PDE4D: variants seen among roughly 807,000 people sequenced by gnomAD.
The protein encoded by PDE4D is phosphodiesterase 4D.
A neutral mutation model predicts 87.4 loss-of-function variants in PDE4D; 24 were observed. That is an observed-to-expected ratio of 0.27 (90% CI 0.20 to 0.39). The LOEUF (loss-of-function observed/expected upper bound fraction) is 0.39. Ranked by LOEUF, PDE4D falls within the 10% of genes least tolerant of loss-of-function variation. The pLI is 1.00. For missense variants in PDE4D, 714 were observed against 1,041.0 expected (o/e 0.69, Z 4.32); for synonymous variants, 384 against 383.2 (o/e 1.00, Z -0.02).
At chr5:60,402,940 AC>A (rs1741214886) in intron 1 of PDE4D, among the ~76,000 whole-genome samples, 1 of 152,096 alleles carries the variant, frequency 6.6e-6, no homozygotes, top group Non-Finnish European at 1.5e-5. Flanking sequence ...AAGCCATCCA[AC>A]CCAGGCATTG....
At chr5:60,233,499 A>T (rs989909945) in intron 1 of PDE4D, among the ~76,000 whole-genome samples, 5 of 151,764 alleles carry the variant, frequency 3.3e-5, no homozygotes, top group African/African-American at 1.2e-4. Flanking sequence ...AGAAGTGCCA[A>T]CTGTTCCTTT....
intron 1 of PDE4D, among the ~76,000 whole-genome samples, chr5:59,337,652 A>G (rs1777945656): frequency 6.6e-6 from 1 of 152,164 alleles, no homozygotes; most frequent in Non-Finnish European, 1.5e-5. Flanking sequence ...ATATACAGCT[A>G]CCAAGTGGCA....
At chr5:59,802,228 G>GTTTT (rs1408478741) in intron 1 of PDE4D, among the ~76,000 whole-genome samples, 1 of 133,844 alleles carries the variant, frequency 7.5e-6, no homozygotes, top group South Asian at 2.3e-4. Flanking sequence ...GTTTTGTTTT[G>GTTTT]TTTTTGTTTT....
intron 1 of PDE4D, among the ~76,000 whole-genome samples, chr5:60,366,836 A>C (rs1182955467): frequency 6.6e-6 from 1 of 152,268 alleles, no homozygotes; most frequent in Non-Finnish European, 1.5e-5. Flanking sequence ...AAATTCAACC[A>C]GGAGATTTAC....
chr5:59,386,473 C>T (rs1376425811), intron 1 of PDE4D, among the ~76,000 whole-genome samples: 3 of 151,948 alleles, frequency 2.0e-5, no homozygotes, highest in African/African-American at 7.3e-5. Flanking sequence ...AGTAATTAGA[C>T]CATTCCCCTG....
At chr5:59,315,268 A>T (rs1460471771) in intron 1 of PDE4D, among the ~76,000 whole-genome samples, 1 of 152,070 alleles carries the variant, frequency 6.6e-6, no homozygotes, top group Non-Finnish European at 1.5e-5. Flanking sequence ...CCCTACCCAA[A>T]TGTGAAGAAA....
intron 1 of PDE4D, among the ~76,000 whole-genome samples, chr5:59,563,612 C>T (rs1336332600): frequency 6.6e-6 from 1 of 152,176 alleles, no homozygotes; most frequent in Non-Finnish European, 1.5e-5. Flanking sequence ...GGTAAGTATT[C>T]ATATTTGCCT....
At chr5:60,227,622 AGGAG>A (rs1006737650) in intron 1 of PDE4D, among the ~76,000 whole-genome samples, 31 of 84,830 alleles carry the variant, frequency 3.7e-4, no homozygotes, top group East Asian at 3.3e-3. Context: ...AGGAAAGGGA[AGGAG>A]GGAGGGAGGG....
intron 1 of PDE4D, among the ~76,000 whole-genome samples, chr5:59,686,045 C>A (rs2150381239): frequency 6.6e-6 from 1 of 152,246 alleles, no homozygotes; most frequent in South Asian, 2.1e-4. Flanking sequence ...TTCCCCTCAC[C>A]ATTGCCAAGA....
In PDE4D at chr5:58,972,542, T is replaced by C. The variant is rs1742797647; in HGVS notation, c.*2122A>G. 6.6e-6 allele frequency: 1 copy of C among 152,232 alleles called. No homozygotes were observed. The highest frequency in any genetic ancestry group is 2.4e-5 in the African/African-American group (1 of 41,470). 9.4% of individuals were successfully genotyped at this position (152,232 alleles called of 1,614,324 possible). ...TACTTTCCAGTCCCCAGGAGGCTCC[T>C]TGAGAAGTTCCACATATAAATGCTT... is the stretch of plus-strand genomic sequence containing the variant. On this transcript the variant is annotated 3_prime_UTR_variant, in exon 15 of 15. Transcript: ENST00000340635.
At chr5:59,909,124 G>T (rs1441419469) in intron 3 of PDE4D, among the ~76,000 whole-genome samples, 1 of 151,918 alleles carries the variant, frequency 6.6e-6, no homozygotes, top group Non-Finnish European at 1.5e-5. Flanking sequence ...AACATTTCTA[G>T]GTCTTATCAA....
At chr5:60,194,374 A>G (rs1740959930) in intron 1 of PDE4D, among the ~76,000 whole-genome samples, 1 of 151,716 alleles carries the variant, frequency 6.6e-6, no homozygotes, top group Non-Finnish European at 1.5e-5. Context: ...CTGGTTCTCC[A>G]ACTGACTGCT....
intron 1 of PDE4D, among the ~76,000 whole-genome samples, chr5:60,213,653 A>G (rs758634647): frequency 3.3e-5 from 5 of 152,180 alleles, no homozygotes; most frequent in South Asian, 4.1e-4. Flanking sequence ...TTTATAGTCA[A>G]TAAGGCCAGG....
chr5:59,715,235 A>T (rs963643348), intron 1 of PDE4D, among the ~76,000 whole-genome samples: 7 of 152,232 alleles, frequency 4.6e-5, no homozygotes, highest in Non-Finnish European at 1.0e-4. Flanking sequence ...ACCTACTTGA[A>T]GCAACAGAGT....
intron 5 of PDE4D, among the ~76,000 whole-genome samples, chr5:59,119,306 C>T (rs1316260008): frequency 6.6e-6 from 1 of 151,942 alleles, no homozygotes; most frequent in East Asian, 1.9e-4. Flanking sequence ...TATAAAAATC[C>T]TAATTTTAAA....
intron 1 of PDE4D, among the ~76,000 whole-genome samples, chr5:60,415,490 A>G (rs939278265): frequency 6.6e-6 from 1 of 152,152 alleles, no homozygotes; most frequent in Non-Finnish European, 1.5e-5. Context: ...GCTGCGCGGC[A>G]GGCACTTGAA....
intron 5 of PDE4D, among the ~76,000 whole-genome samples, chr5:59,107,484 C>G (rs1771814255): frequency 6.6e-6 from 1 of 152,188 alleles, no homozygotes; most frequent in African/African-American, 2.4e-5. Flanking sequence ...GCTGGGATTA[C>G]AGGCATGAGC....
At position 59,951,325 on chromosome 5, in the gene PDE4D, T is replaced by A. The variant is rs116428692; in HGVS notation, c.272+37163A>T. Among the ~76,000 whole-genome samples, 776 of 152,294 alleles carry A rather than the reference T, an allele frequency of 5.1e-3. 10 individuals carry two copies. Among genetic ancestry groups the A allele is most frequent in the African/African-American group, 0.018 (736 of 41,576 alleles). On this transcript the variant is annotated intron_variant, in intron 3 of 16. Transcript: ENST00000502484. ...CCCAAACACATTGCAATTTAGAGAT[T>A]GCACTCCAGTGTTTTAGAAACTAAA... is the stretch of plus-strand genomic sequence containing the variant.
chr5:59,384,811 C>G (rs921484551), intron 1 of PDE4D, among the ~76,000 whole-genome samples: 1 of 151,106 alleles, frequency 6.6e-6, no homozygotes, highest in Non-Finnish European at 1.5e-5. Flanking sequence ...ATTATCTATT[C>G]ATTTCTTATC....
Sources: gnomAD v4.1 joint callset for allele counts (sites outside exome capture counted in the v4.1 genomes callset) on GRCh38, gnomAD v4.1.1 for gene constraint, MANE v1.5 for transcripts, NCBI Gene and HGNC (gene_info 2026-07-23, HGNC 2026-07-21) for gene names.